ALK: variants seen among roughly 807,000 people sequenced by gnomAD.
The protein encoded by ALK is ALK receptor tyrosine kinase, also known as ALK tyrosine kinase receptor.
Under a neutral mutation model 163.1 loss-of-function variants are expected in ALK, and 74 were observed. That is an observed-to-expected ratio of 0.45 (90% CI 0.38 to 0.55). The LOEUF is 0.55. ALK is among the 20% of genes least tolerant of loss of function. The probability of loss-of-function intolerance (pLI) is 0.00; values close to 1 mark genes in which losing one functional copy is unlikely to be tolerated. For synonymous variants in ALK, 960 were observed against 843.2 expected (o/e 1.14, Z -2.40); for missense variants, 2,063 against 2,105.3 (o/e 0.98, Z 0.39).
intron 13 of ALK, among the ~76,000 whole-genome samples, chr2:29,236,045 T>G (rs1443640968): frequency 6.6e-6 from 1 of 150,384 alleles, no homozygotes; most frequent in Non-Finnish European, 1.5e-5. Flanking sequence ...ATACAGGGTC[T>G]TGCTGTGTTG....
At position 29,246,322 on chromosome 2, in the gene ALK, TG is replaced by T. The variant is rs1664669201; in HGVS notation, c.2204+4782del. On this transcript the variant is annotated intron_variant, in intron 12 of 28. Transcript: ENST00000389048. The surrounding 1 kb of genome is among the most constrained non-coding windows in gnomAD (Gnocchi z 4.3). ...TGGCAGGCCACCCGTGGGCTCTCACTGAGTCCCCCAACAGCCCTCTCAGAGC... is the reference window on the plus strand; with the variant it reads ...TGGCAGGCCACCCGTGGGCTCTCACTAGTCCCCCAACAGCCCTCTCAGAGC... Among the ~76,000 whole-genome samples the T allele has an allele frequency of 2.0e-5, 3 of 152,116 alleles. No individual in the cohort carries two copies. Among genetic ancestry groups the T allele is most frequent in the Non-Finnish European group, 4.4e-5 (3 of 67,996 alleles).
chr2:29,512,642 G>A (rs1448583739), intron 4 of ALK, among the ~76,000 whole-genome samples: 1 of 149,420 alleles, frequency 6.7e-6, no homozygotes, highest in Non-Finnish European at 1.5e-5. Context: ...TGGAAGTTCT[G>A]GCCAGGGCAA....
intron 13 of ALK, among the ~76,000 whole-genome samples, chr2:29,235,212 C>A (rs556567733): frequency 6.6e-6 from 1 of 152,326 alleles, no homozygotes; most frequent in South Asian, 2.1e-4. Context: ...CAAACATCAG[C>A]CTGACCTTGG....
At chr2:29,466,551 G>A (rs550422470) in intron 4 of ALK, among the ~76,000 whole-genome samples, 5 of 152,290 alleles carry the variant, frequency 3.3e-5, no homozygotes, top group Admixed American at 2.0e-4. Flanking sequence ...ATTCATGGAA[G>A]TCATTAAAAA....
chr2:29,779,016 C>T (rs528109292), intron 1 of ALK, among the ~76,000 whole-genome samples: 4 of 152,058 alleles, frequency 2.6e-5, no homozygotes, highest in Admixed American at 6.5e-5. Context: ...ATTAGCCGGG[C>T]GTGGTGGCGG....
Position 29,839,997 on chromosome 2 carries a change from A to G in ALK, c.667+79996T>C, listed in dbSNP as rs146050697. Among the ~76,000 whole-genome samples the G allele has an allele frequency of 3.0e-4, 46 of 152,320 alleles. 1 individual carries two copies. The highest frequency in any genetic ancestry group is 1.1e-3 in the African/African-American group (44 of 41,572). On this transcript the variant is annotated intron_variant, in intron 1 of 28. Transcript: ENST00000389048. ...TAGAGGAGGAAACTCAGGTTTAGAG[A>G]AGCCAAATTATTTGCTCAAGACAAA...
chr2:29,335,787 C>T (rs946212635), intron 5 of ALK, among the ~76,000 whole-genome samples: 1 of 152,170 alleles, frequency 6.6e-6, no homozygotes, highest in East Asian at 1.9e-4. Flanking sequence ...CACCTGTAAT[C>T]GCAGCACTTT....
At chr2:29,285,592 T>G (rs1448813115) in intron 9 of ALK, among the ~76,000 whole-genome samples, 1 of 140,632 alleles carries the variant, frequency 7.1e-6, no homozygotes, top group Non-Finnish European at 1.5e-5. Context: ...GAATGGAGTC[T>G]CTTTCTGTCG....
chr2:29,359,214 C>T (rs1374608911), intron 5 of ALK, among the ~76,000 whole-genome samples: 1 of 152,196 alleles, frequency 6.6e-6, no homozygotes, highest in Non-Finnish European at 1.5e-5. Flanking sequence ...CACACACAAA[C>T]CAGCTGGGAC....
chr2:29,538,982 A>C (rs1366920855), intron 3 of ALK, among the ~76,000 whole-genome samples: 1 of 151,898 alleles, frequency 6.6e-6, no homozygotes, highest in Non-Finnish European at 1.5e-5. Context: ...GTATCACTTG[A>C]CTCTTCTCAC....
intron 4 of ALK, among the ~76,000 whole-genome samples, chr2:29,392,091 A>C (rs1669189170): frequency 6.6e-6 from 1 of 152,228 alleles, no homozygotes. Context: ...TCTTATAAGA[A>C]GGTGAAATAA....
chr2:29,404,862 T>G (rs1352680454), intron 4 of ALK, among the ~76,000 whole-genome samples: 1 of 152,174 alleles, frequency 6.6e-6, no homozygotes, highest in Non-Finnish European at 1.5e-5. Flanking sequence ...GTAGGTATCA[T>G]GCCACGAGGA....
At chr2:29,635,777 A>AC (rs1676503865) in intron 3 of ALK, among the ~76,000 whole-genome samples, 1 of 90,508 alleles carries the variant, frequency 1.1e-5, no homozygotes, top group Non-Finnish European at 2.7e-5. Context: ...TAATTTTTGT[A>AC]TTTTTTTTTT....
intron 3 of ALK, among the ~76,000 whole-genome samples, chr2:29,588,797 G>A (rs1008835122): frequency 6.6e-6 from 1 of 152,146 alleles, no homozygotes; most frequent in Non-Finnish European, 1.5e-5. Flanking sequence ...TTCATATAAT[G>A]TTCATGTGTC....
intron 1 of ALK, among the ~76,000 whole-genome samples, chr2:29,839,813 T>C (rs1028359864): frequency 2.6e-5 from 4 of 152,180 alleles, no homozygotes; most frequent in Non-Finnish European, 5.9e-5. Context: ...CTGTGAGATA[T>C]ATTATGACTT....
Position 29,595,319 on chromosome 2 carries a change from A to ATT in ALK, c.953-63205_953-63204dup, listed in dbSNP as rs10641464. 1.1e-3 allele frequency among the ~76,000 whole-genome samples: 137 copies of ATT among 123,954 alleles called. 3 individuals are homozygous for ATT. Among genetic ancestry groups the ATT allele is most frequent in the African/African-American group, 2.5e-3 (77 of 31,268 alleles). The allele number at this position is 123,954 out of a possible 152,430, so 81.3% of individuals were successfully genotyped here. ...TCACTGAGATCTGCTGTCTTACTGG[A>ATT]TTTTTTTTTTTTTTTTTTTTTGAGA... is the stretch of plus-strand genomic sequence containing the variant. On this transcript the variant is annotated intron_variant, in intron 3 of 28. Coordinates refer to ENST00000389048, the MANE Select transcript of ALK (RefSeq NM_004304.5).
chr2:29,251,090 CT>C lies in ALK; in HGVS notation c.2204+14del, dbSNP rs1402917562. Reference sequence around the variant, plus strand: ...GGGGTGGTCTGCCCCTCCCCTCCCCCTCTTCCATACGCACCTGTAGGTGTCG... The same window carrying C: ...GGGGTGGTCTGCCCCTCCCCTCCCCCCTTCCATACGCACCTGTAGGTGTCG... On this transcript the variant is annotated intron_variant, in intron 12 of 28. Coordinates refer to ENST00000389048, the MANE Select transcript of ALK (RefSeq NM_004304.5). The C allele has an allele frequency of 8.7e-6, 14 of 1,613,174 alleles. No individual in the cohort carries two copies. Among genetic ancestry groups the C allele is most frequent in the Non-Finnish European group, 1.2e-5 (14 of 1,179,602 alleles).
At chr2:29,223,557 G>T (rs1344964537) in intron 19 of ALK, 29 bp from the exon 20 acceptor site, 1 of 1,607,944 alleles carries the variant, frequency 6.2e-7, no homozygotes, top group Non-Finnish European at 8.5e-7. Context: ...CTGCAACATG[G>T]CCTGGCAGCC....
At chr2:29,655,542 T>C (rs939905255) in intron 3 of ALK, among the ~76,000 whole-genome samples, 3 of 152,172 alleles carry the variant, frequency 2.0e-5, no homozygotes, top group African/African-American at 7.2e-5. Context: ...CTCAGATTAT[T>C]CTGAGCTGAG....
Sources: gnomAD v4.1 joint callset for allele counts (sites outside exome capture counted in the v4.1 genomes callset) on GRCh38, gnomAD v4.1.1 for gene constraint, Gnocchi (gnomAD v3.1) non-coding constraint, MANE v1.5 for transcripts, NCBI Gene and HGNC (gene_info 2026-07-23, HGNC 2026-07-21) for gene names.